The following CFAP20 variants were observed in gnomAD, a reference collection of about 807,000 sequenced individuals.
CFAP20 encodes the protein cilia and flagella associated protein 20.
CFAP20 carries 14 observed loss-of-function variants against 25.5 expected under a neutral mutation model. The observed-to-expected ratio is 0.55, with a 90% CI of 0.36 to 0.86. The LOEUF is 0.86. CFAP20 is among the 40% of genes least tolerant of loss of function. The pLI is 0.01. For synonymous variants in CFAP20, 75 were observed against 91.1 expected, an observed-to-expected ratio of 0.82 and a Z score of 1.01; for missense variants, 181 against 248.0, an observed-to-expected ratio of 0.73 and a Z score of 1.81.
intron 1 of CFAP20, among the ~76,000 whole-genome samples, chr16:58,119,541 C>A (rs1019569648): frequency 1.3e-5 from 2 of 152,210 alleles, no homozygotes; most frequent in Non-Finnish European, 2.9e-5. Context: ...CAAATGGGTG[C>A]CCATTGTCAG....
intron 1 of CFAP20, among the ~76,000 whole-genome samples, chr16:58,119,812 T>G (rs922947274): frequency 2.7e-5 from 4 of 149,924 alleles, no homozygotes; most frequent in Non-Finnish European, 4.4e-5. Context: ...CGCCATCTAC[T>G]GTTCCCAACC....
chr16:58,115,965 T>A, intron 3 of CFAP20, 76 bp downstream of exon 3: 1 of 1,041,808 alleles, frequency 9.6e-7, no homozygotes, highest in Non-Finnish European at 1.5e-6. Context: ...CTTTGTAGGG[T>A]CACTTTTTCC....
chr16:58,122,842 C>A lies in CFAP20; in HGVS notation c.85-5891G>T, dbSNP rs960195378. Among the ~76,000 whole-genome samples, 4 of 152,324 alleles carry A rather than the reference C, an allele frequency of 2.6e-5. No individual in the cohort carries two copies. The South Asian group carries it at 8.3e-4, about 32-fold the overall frequency. ...ATTAGAACAGGACATGGGAATCTAA[C>A]ACTATCCAGCAACAGCAGAAGACTC... is the stretch of plus-strand genomic sequence containing the variant. On this transcript the variant is annotated intron_variant, in intron 1 of 5. Transcript: ENST00000262498.
At chr16:58,114,773 T>G (rs1960434367) in intron 5 of CFAP20, 37 bp downstream of exon 5, 2 of 1,522,606 alleles carry the variant, frequency 1.3e-6, no homozygotes, top group Admixed American at 1.7e-5. Flanking sequence ...CTCCCCCCAC[T>G]CACTGGTGGA....
intron 3 of CFAP20, 168 bp downstream of exon 3, chr16:58,115,873 A>G: frequency 1.9e-6 from 1 of 532,998 alleles, no homozygotes; most frequent in Non-Finnish European, 3.3e-6. Flanking sequence ...AAATTTTATT[A>G]CTAATATCAA....
rs559122578 is a variant in CFAP20 at position 58,118,754 on chromosome 16, C to T, written c.85-1803G>A. ...GGAGGATAACCTGAGCCTGGGAGGT[C>T]GAGGCTGCAGTGAGCCGTGATTGTG... On this transcript the variant is annotated intron_variant, in intron 1 of 5. Transcript: ENST00000262498. 6.6e-5 allele frequency among the ~76,000 whole-genome samples: 10 copies of T among 151,994 alleles called. No individual in the cohort carries two copies. The South Asian group carries it at 1.7e-3, about 25-fold the overall frequency.
chr16:58,115,525 C>T (rs1282555299), intron 3 of CFAP20, 68 bp from the exon 4 acceptor site: 46 of 1,555,738 alleles, frequency 3.0e-5, no homozygotes, highest in African/African-American at 8.1e-5. Flanking sequence ...CTTGTCCAGA[C>T]AAGGACCTGA....
At chr16:58,125,258 G>C (rs189465465) in intron 1 of CFAP20, among the ~76,000 whole-genome samples, 44 of 152,344 alleles carry the variant, frequency 2.9e-4, no homozygotes, top group African/African-American at 1.0e-3. Context: ...AGGTCTGCAA[G>C]AGCAATAACG....
At chr16:58,128,984 AG>A in intron 1 of CFAP20, 47 bp downstream of exon 1, 1 of 1,413,584 alleles carries the variant, frequency 7.1e-7, no homozygotes, top group Non-Finnish European at 9.9e-7. Flanking sequence ...CCGGACGAGG[AG>A]GGGGTGCAGC....
chr16:58,126,692 G>C (rs1312152312), intron 1 of CFAP20, among the ~76,000 whole-genome samples: 1 of 152,182 alleles, frequency 6.6e-6, no homozygotes. Context: ...GTCCCTGGCA[G>C]CAGGAAAAAT....
At chr16:58,126,460 A>G (rs897795872) in intron 1 of CFAP20, among the ~76,000 whole-genome samples, 1 of 152,234 alleles carries the variant, frequency 6.6e-6, no homozygotes, top group Non-Finnish European at 1.5e-5. Flanking sequence ...AGCCTAAACA[A>G]AAGTCAAACC....
rs201886107 is a variant in CFAP20, at chr16:58,114,010, G to A, written c.*15C>T. On this transcript the variant is annotated 3_prime_UTR_variant, in exon 6 of 6. Transcript: ENST00000262498. ...AGTCACATCCAGGGGTCTATCCCTCGAGTCACAATTCCAGTTATTGCTGAA... is the reference window on the plus strand; with the variant it reads ...AGTCACATCCAGGGGTCTATCCCTCAAGTCACAATTCCAGTTATTGCTGAA... 67 of 1,612,912 alleles carry A rather than the reference G, an allele frequency of 4.2e-5. No homozygotes were observed. Among genetic ancestry groups the A allele is most frequent in the East Asian group, 4.5e-5 (2 of 44,888 alleles).
At chr16:58,115,984 C>G in intron 3 of CFAP20, 57 bp downstream of exon 3, 1 of 1,293,590 alleles carries the variant, frequency 7.7e-7, no homozygotes, top group Non-Finnish European at 1.1e-6. Context: ...CCCATCAGTT[C>G]AAAGGCTATC....
chr16:58,115,547 T>C, intron 3 of CFAP20, 90 bp from the exon 4 acceptor site: 1 of 1,478,362 alleles, frequency 6.8e-7, no homozygotes, highest in Non-Finnish European at 9.2e-7. Flanking sequence ...TTCCCACAGC[T>C]TGCTTTCCCA....
At chr16:58,114,988 G>A in intron 4 of CFAP20, 68 bp from the exon 5 acceptor site, 1 of 1,385,174 alleles carries the variant, frequency 7.2e-7, no homozygotes, top group South Asian at 1.2e-5. Context: ...GAATCTTCTA[G>A]AGGCCCTCTT....
At chr16:58,120,134 A>C (rs1960514659) in intron 1 of CFAP20, among the ~76,000 whole-genome samples, 1 of 152,284 alleles carries the variant, frequency 6.6e-6, no homozygotes, top group Admixed American at 6.5e-5. Context: ...ATCATTTCCA[A>C]CTAATGCGAG....
chr16:58,128,970 GCC>G, intron 1 of CFAP20, 60 bp downstream of exon 1: 1 of 1,526,038 alleles, frequency 6.6e-7, no homozygotes, highest in Non-Finnish European at 9.0e-7. Flanking sequence ...CCCGTCCCCA[GCC>G]CCCGGACGAG....
chr16:58,120,170 T>C (rs1230041156), intron 1 of CFAP20, among the ~76,000 whole-genome samples: 1 of 152,270 alleles, frequency 6.6e-6, no homozygotes, highest in Non-Finnish European at 1.5e-5. Flanking sequence ...GAGCTGGCAG[T>C]ATTCCAACAA....
chr16:58,121,254 A>C (rs1461178328), intron 1 of CFAP20, among the ~76,000 whole-genome samples: 6 of 152,218 alleles, frequency 3.9e-5, no homozygotes. Flanking sequence ...AAAACAGCAT[A>C]CAGGAAGATA....
Sources: gnomAD v4.1 joint callset for allele counts (sites outside exome capture counted in the v4.1 genomes callset) on GRCh38, gnomAD v4.1.1 for gene constraint, MANE v1.5 for transcripts, NCBI Gene and HGNC (gene_info 2026-07-23, HGNC 2026-07-21) for gene names.